The following PXK variants were observed in gnomAD, a reference collection of about 807,000 sequenced individuals.
PXK encodes the protein PX domain-containing protein kinase-like protein.
In PXK, 35 loss-of-function variants were observed where a neutral mutation model predicts 84.7. That is an observed-to-expected ratio of 0.41 (90% CI 0.32 to 0.55). The LOEUF (loss-of-function observed/expected upper bound fraction) is 0.55. PXK is among the 20% of genes least tolerant of loss of function. The probability of loss-of-function intolerance (pLI) is 0.21; values close to 1 mark genes in which losing one functional copy is unlikely to be tolerated. For missense variants in PXK, 634 were observed against 699.7 expected (o/e 0.91, Z 1.06); for synonymous variants, 253 against 260.8 (o/e 0.97, Z 0.29).
chr3:58,410,261 C>CA, intron 16 of PXK, 102 bp downstream of exon 16: 2 of 814,688 alleles, frequency 2.5e-6, no homozygotes, highest in Non-Finnish European at 4.1e-6. Flanking sequence ...AGAAACTGGG[C>CA]AATGTAGTAA....
At chr3:58,382,133 T>C (rs1040126171) in intron 3 of PXK, among the ~76,000 whole-genome samples, 1 of 152,148 alleles carries the variant, frequency 6.6e-6, no homozygotes, top group Non-Finnish European at 1.5e-5. Flanking sequence ...CTGGCCAACA[T>C]GGTAAAACCC....
intron 3 of PXK, among the ~76,000 whole-genome samples, chr3:58,378,923 T>TTAG (rs912470362): frequency 1.3e-5 from 2 of 150,440 alleles, no homozygotes; most frequent in Non-Finnish European, 1.5e-5. Context: ...ATTATTATTA[T>TTAG]TAGTAGTAGT....
chr3:58,396,904 G>C (rs1310222381), intron 9 of PXK, 135 bp from the exon 10 acceptor site: 1 of 869,728 alleles, frequency 1.1e-6, no homozygotes, highest in African/African-American at 1.7e-5. Context: ...GGTAGAGGTG[G>C]CATTTTTCTT....
At chr3:58,359,354 A>AC (rs572509897) in intron 1 of PXK, among the ~76,000 whole-genome samples, 1 of 151,742 alleles carries the variant, frequency 6.6e-6, no homozygotes, top group Non-Finnish European at 1.5e-5. Flanking sequence ...ACATGGTGAA[A>AC]CCCCCTCTCT....
chr3:58,347,939 A>G (rs1258701005), intron 1 of PXK, among the ~76,000 whole-genome samples: 2 of 152,164 alleles, frequency 1.3e-5, no homozygotes, highest in Non-Finnish European at 2.9e-5. Context: ...TTTGAGACTG[A>G]GTCTCACTCT....
intron 2 of PXK, among the ~76,000 whole-genome samples, chr3:58,366,575 T>G (rs1020277578): frequency 1.3e-5 from 2 of 152,160 alleles, no homozygotes; most frequent in Non-Finnish European, 2.9e-5. Context: ...ACACTTCTTC[T>G]CTCCCAAAAA....
In PXK at chr3:58,399,185, A is replaced by G. The variant is rs2058184967; in HGVS notation, c.1103-114A>G. The G allele has an allele frequency of 3.4e-6, 3 of 880,798 alleles. No homozygotes were observed. Among genetic ancestry groups the G allele is most frequent in the Non-Finnish European group, 5.6e-6 (3 of 535,074 alleles). The allele number at this position is 880,798 out of a possible 1,614,324, so 54.6% of individuals were successfully genotyped here. A position where few individuals can be genotyped will look rare whatever the true frequency, so the allele number is the denominator to read the frequency against. ...CTGTCTGTGTGTGAAGATTTTTGAC[A>G]CTGTCCTGATCAGCCCGCAGACAGT... On this transcript the variant is annotated intron_variant, in intron 11 of 17. Coordinates refer to ENST00000356151, the MANE Select transcript of PXK (RefSeq NM_017771.5). This position sits in a 1 kb window ranked among gnomAD's most constrained non-coding sequence, Gnocchi z 4.3.
intron 4 of PXK, among the ~76,000 whole-genome samples, chr3:58,387,778 A>G (rs922376780): frequency 6.6e-6 from 1 of 152,156 alleles, no homozygotes; most frequent in East Asian, 1.9e-4. Context: ...CACACAGAGC[A>G]CTGGGAGTGT....
chr3:58,394,279 T>G (rs566456998), intron 7 of PXK, among the ~76,000 whole-genome samples: 2 of 152,332 alleles, frequency 1.3e-5, no homozygotes, highest in Non-Finnish European at 2.9e-5. Context: ...TGGACCCAGT[T>G]TGTTTCACGT....
intron 7 of PXK, 141 bp downstream of exon 7, chr3:58,391,988 A>C: frequency 1.4e-6 from 1 of 702,404 alleles, no homozygotes; most frequent in South Asian, 1.8e-5. Flanking sequence ...GTGTAGGGCT[A>C]ATCTCTTAGA....
chr3:58,409,516 T>G lies in PXK; in HGVS notation c.1309-16T>G, dbSNP rs775493900. 6.2e-7 allele frequency: 1 copy of G among 1,608,882 alleles called. No individual in the cohort carries two copies. Among genetic ancestry groups the G allele is most frequent in the Non-Finnish European group, 8.5e-7 (1 of 1,175,926 alleles). On this transcript the variant is annotated splice_polypyrimidine_tract_variant and intron_variant, in intron 14 of 17. Coordinates refer to ENST00000356151, the MANE Select transcript of PXK (RefSeq NM_017771.5). The surrounding 1 kb of genome is among the most constrained non-coding windows in gnomAD (Gnocchi z 4.2). ...GCCTTATGTGGGATATGCTTACATCTTATGGTCTTTTAAAGATTCACCAGC... is the reference window on the plus strand; with the variant it reads ...GCCTTATGTGGGATATGCTTACATCGTATGGTCTTTTAAAGATTCACCAGC...
At chr3:58,377,593 C>A (rs1287748467) in intron 3 of PXK, among the ~76,000 whole-genome samples, 4 of 148,086 alleles carry the variant, frequency 2.7e-5, no homozygotes, top group South Asian at 2.1e-4. Flanking sequence ...ATAGTGAGAC[C>A]CTATCTCTTT....
chr3:58,368,479 T>A (rs184591074), intron 2 of PXK, among the ~76,000 whole-genome samples: 1 of 152,250 alleles, frequency 6.6e-6, no homozygotes, highest in Non-Finnish European at 1.5e-5. Context: ...CTCGCCACCA[T>A]GCCCAGCTAA....
At chr3:58,381,446 G>T (rs1315262380) in intron 3 of PXK, among the ~76,000 whole-genome samples, 2 of 151,056 alleles carry the variant, frequency 1.3e-5, no homozygotes, top group African/African-American at 4.9e-5. Flanking sequence ...GCTTGGAGTA[G>T]GTTGTTGGAC....
Position 58,398,444 on chromosome 3 carries a change from A to G in PXK, c.1102+722A>G, listed in dbSNP as rs865907532. ...AAACAAAACAAGAATGCCATAGGCCAGAAGCCTAGTAGATAAGAGCCTAGC... is the reference window on the plus strand; with the variant it reads ...AAACAAAACAAGAATGCCATAGGCCGGAAGCCTAGTAGATAAGAGCCTAGC... On this transcript the variant is annotated intron_variant, in intron 11 of 17. Transcript: ENST00000356151. The surrounding 1 kb of genome is among the most constrained non-coding windows in gnomAD (Gnocchi z 4.5). Among the ~76,000 whole-genome samples, 1 of 152,206 alleles carries G rather than the reference A, an allele frequency of 6.6e-6. No individual in the cohort carries two copies. The highest frequency in any genetic ancestry group is 1.5e-5 in the Non-Finnish European group (1 of 68,038).
chr3:58,378,932 G>A (rs1216812830), intron 3 of PXK, among the ~76,000 whole-genome samples: 1 of 151,574 alleles, frequency 6.6e-6, no homozygotes, highest in Admixed American at 6.6e-5. Flanking sequence ...ATTAGTAGTA[G>A]TAGTATTTGA....
At chr3:58,384,081 G>T (rs540335139) in intron 4 of PXK, among the ~76,000 whole-genome samples, 2 of 152,302 alleles carry the variant, frequency 1.3e-5, no homozygotes, top group African/African-American at 4.8e-5. Context: ...GAGTCTTGTG[G>T]TTGGAGCTTG....
intron 4 of PXK, among the ~76,000 whole-genome samples, chr3:58,388,638 T>G (rs1055512669): frequency 1.4e-5 from 2 of 144,852 alleles, no homozygotes; most frequent in Admixed American, 7.2e-5. Context: ...AGAACAAATG[T>G]GAATGGAGCC....
intron 17 of PXK, among the ~76,000 whole-genome samples, chr3:58,423,977 C>T (rs1028411681): frequency 5.3e-5 from 8 of 152,176 alleles, no homozygotes; most frequent in African/African-American, 1.4e-4. Context: ...CCTGATGCTT[C>T]GTCAAAGACA....
Sources: gnomAD v4.1 joint callset for allele counts (sites outside exome capture counted in the v4.1 genomes callset) on GRCh38, gnomAD v4.1.1 for gene constraint, Gnocchi (gnomAD v3.1) non-coding constraint, MANE v1.5 for transcripts, NCBI Gene and HGNC (gene_info 2026-07-23, HGNC 2026-07-21) for gene names.